The following PAX1 variants were observed in gnomAD, a reference collection of about 807,000 sequenced individuals.
PAX1 encodes paired box 1, also known as paired box protein Pax-1.
In PAX1, 18 loss-of-function variants were observed where a neutral mutation model predicts 35.6. The ratio of observed to expected loss-of-function variants is 0.50; its 90% CI spans 0.35 to 0.75. The LOEUF (loss-of-function observed/expected upper bound fraction) is 0.75. PAX1 is among the 30% of genes least tolerant of loss of function. The pLI, the probability that PAX1 is intolerant of heterozygous loss-of-function variation, is 0.01. For synonymous variants in PAX1, 397 were observed against 305.2 expected (o/e 1.30, Z -3.14); for missense variants, 760 against 661.5 (o/e 1.15, Z -1.63).
In PAX1 at chr20:21,718,149, C is replaced by A. The variant is rs942655221; in HGVS notation, c.*3587C>A. ...GCTTCGTGCTTTAAATGAATAAAGA[C>A]AGGATTTTGTTGTGTTCATTATTGG... On this transcript the variant is annotated 3_prime_UTR_variant, in exon 5 of 5. Coordinates refer to ENST00000613128, the MANE Select transcript of PAX1 (RefSeq NM_001257096.2). 1.3e-5 allele frequency: 2 copies of A among 152,152 alleles called. No homozygotes were observed. The highest frequency in any genetic ancestry group is 4.8e-5 in the African/African-American group (2 of 41,420). 9.4% of individuals were successfully genotyped at this position (152,152 alleles called of 1,614,324 possible). A position where few individuals can be genotyped will look rare whatever the true frequency, so the allele number is the denominator to read the frequency against.
chr20:21,705,741 G>A lies in PAX1; in HGVS notation c.29G>A (p.Arg10Gln), dbSNP rs764757880. The A allele has an allele frequency of 9.5e-5, 119 of 1,251,018 alleles. No homozygotes were observed. Among genetic ancestry groups the A allele is most frequent in the Non-Finnish European group, 1.1e-4 (113 of 992,706 alleles). The allele number at this position is 1,251,018 out of a possible 1,614,324, so 77.5% of individuals were successfully genotyped here. The change falls in exon 1 of 5, where the codon CGG becomes CAG. Residue 10 changes from arginine to glutamine, a missense_variant. Physicochemically the swap from Arg to Gln is conservative, Grantham distance 43 (BLOSUM62 1). This residue lies in a region of PAX1 where 222 missense variants were observed against 153.0 expected (regional missense o/e 1.45). Transcript: ENST00000613128. MKFTLGLGS[R>Q]AWRVSWEGAA... The stretch of plus-strand genomic sequence containing the variant: ...AAGTTCACCCTGGGCCTGGGGTCGC[G>A]GGCGTGGAGAGTGTCCTGGGAGGGG...
chr20:21,706,352 A>C lies in PAX1; in HGVS notation c.287-86A>C. The C allele has an allele frequency of 6.5e-7, 1 of 1,534,700 alleles. No homozygotes were observed. Among genetic ancestry groups the C allele is most frequent in the Non-Finnish European group, 8.9e-7 (1 of 1,119,968 alleles). ...CACCTTTGGAAGTGCGCCTGGGTGC[A>C]GTCCCTCGCTCCGCGTGGGGACCCT... On this transcript the variant is annotated intron_variant, in intron 1 of 4. Coordinates refer to ENST00000613128, the MANE Select transcript of PAX1 (RefSeq NM_001257096.2). The surrounding 1 kb of genome is among the most constrained non-coding windows in gnomAD (Gnocchi z 5.3).
Position 21,718,231 on chromosome 20 carries a change from G to A in PAX1, c.*3669G>A, listed in dbSNP as rs1985438214. 6.6e-6 allele frequency: 1 copy of A among 152,152 alleles called. No individual in the cohort carries two copies. Among genetic ancestry groups the A allele is most frequent in the Non-Finnish European group, 1.5e-5 (1 of 68,024 alleles). 9.4% of individuals were successfully genotyped at this position (152,152 alleles called of 1,614,324 possible). A position where few individuals can be genotyped will look rare whatever the true frequency, so the allele number is the denominator to read the frequency against. Reference sequence around the variant, plus strand: ...CCCTGCCAAAGGTAGCTGTTTTTTGGCAAGAAGTAAGGAAAACAAACCAAA... The same window carrying A: ...CCCTGCCAAAGGTAGCTGTTTTTTGACAAGAAGTAAGGAAAACAAACCAAA... On this transcript the variant is annotated 3_prime_UTR_variant, in exon 5 of 5. Coordinates refer to ENST00000613128, the MANE Select transcript of PAX1 (RefSeq NM_001257096.2).
At chr20:21,712,598 C>G (rs1301488317) in intron 4 of PAX1, among the ~76,000 whole-genome samples, 1 of 152,186 alleles carries the variant, frequency 6.6e-6, no homozygotes, top group African/African-American at 2.4e-5. Context: ...TCGTGGGGCT[C>G]TGGAATGACT....
Position 21,706,036 on chromosome 20 carries a change from A to G in PAX1, c.286+38A>G. ...CGACAGGCAGGGCTCGGGAGGGCTG[A>G]TGAGGTGGGTCGGGTCCGCCTGCCT... On this transcript the variant is annotated intron_variant, in intron 1 of 4. Coordinates refer to ENST00000613128, the MANE Select transcript of PAX1 (RefSeq NM_001257096.2). This position sits in a 1 kb window ranked among gnomAD's most constrained non-coding sequence, Gnocchi z 5.3. 1.4e-6 allele frequency: 2 copies of G among 1,440,240 alleles called. No individual in the cohort carries two copies. Among genetic ancestry groups the G allele is most frequent in the Non-Finnish European group, 1.8e-6 (2 of 1,095,492 alleles). The allele number at this position is 1,440,240 out of a possible 1,614,324, so 89.2% of individuals were successfully genotyped here.
chr20:21,709,932 C>T (rs1339418648), intron 4 of PAX1, among the ~76,000 whole-genome samples: 1 of 152,066 alleles, frequency 6.6e-6, no homozygotes, highest in Non-Finnish European at 1.5e-5. Flanking sequence ...GTCTCTGCCC[C>T]ACTGCCCATC....
Position 21,705,760 on chromosome 20 carries a change from G to T in PAX1, c.48G>T (p.Trp16Cys), listed in dbSNP as rs1255507313. ...GLGSRAWRVSWEGAAAAAAGP... is the reference protein window; with the variant it reads ...GLGSRAWRVSCEGAAAAAAGP... ...GGTCGCGGGCGTGGAGAGTGTCCTG[G>T]GAGGGGGCAGCAGCGGCGGCGGCAG... Residue 16 changes from tryptophan to cysteine, a missense_variant, in exon 1 of 5, where the codon TGG becomes TGT. This residue lies in a region of PAX1 where 222 missense variants were observed against 153.0 expected (regional missense o/e 1.45). Transcript: ENST00000613128. The T allele has an allele frequency of 3.2e-6, 4 of 1,262,822 alleles. No homozygotes were observed. The allele number at this position is 1,262,822 out of a possible 1,614,324, so 78.2% of individuals were successfully genotyped here.
At chr20:21,707,671 A>G (rs1320759125) in intron 2 of PAX1, among the ~76,000 whole-genome samples, 1 of 152,176 alleles carries the variant, frequency 6.6e-6, no homozygotes, top group Non-Finnish European at 1.5e-5. Context: ...AAGATGGGGA[A>G]GGCGGGAGGT....
chr20:21,711,570 C>A (rs968113200), intron 4 of PAX1, among the ~76,000 whole-genome samples: 2 of 152,276 alleles, frequency 1.3e-5, no homozygotes. Flanking sequence ...TAATTTGTTA[C>A]TCTAGTTATT....
chr20:21,714,706 G>A lies in PAX1; in HGVS notation c.*144G>A. 1 of 1,605,608 alleles carries A rather than the reference G, an allele frequency of 6.2e-7. No individual in the cohort carries two copies. On this transcript the variant is annotated 3_prime_UTR_variant, in exon 5 of 5. Transcript: ENST00000613128. ...GCCAGTGCCGGCCCGCGGGGTGCAC[G>A]CCCAGCCAGCCCCCAGGCCCAGCCC...
chr20:21,709,298 A>G lies in PAX1; in HGVS notation c.1136A>G (p.Tyr379Cys). Reference protein sequence around the residue: ...AYPASNQHGVYSAPGGGYLAP... With the variant: ...AYPASNQHGVCSAPGGGYLAP... The stretch of plus-strand genomic sequence containing the variant: ...CCGGCCTCCAACCAGCACGGCGTGT[A>G]CAGCGCCCCGGGCGGCGGCTACCTC... The change falls in exon 4 of 5, where the codon TAC becomes TGC. Residue 379 changes from tyrosine (Y) to cysteine (C), a missense_variant. By Grantham distance (194) the Tyr-to-Cys change is radical. Around this residue, in one of 3 missense-constraint regions of PAX1, gnomAD observed 490 missense variants for 428.4 expected, o/e 1.14. Coordinates refer to ENST00000613128, the MANE Select transcript of PAX1 (RefSeq NM_001257096.2). 1 of 1,603,126 alleles carries G rather than the reference A, an allele frequency of 6.2e-7. No individual in the cohort carries two copies. The highest frequency in any genetic ancestry group is 8.5e-7 in the Non-Finnish European group (1 of 1,178,980).
Position 21,706,048 on chromosome 20 carries a change from G to T in PAX1, c.286+50G>T. On this transcript the variant is annotated intron_variant, in intron 1 of 4. Transcript: ENST00000613128. The surrounding 1 kb of genome is among the most constrained non-coding windows in gnomAD (Gnocchi z 5.3). ...CTCGGGAGGGCTGATGAGGTGGGTC[G>T]GGTCCGCCTGCCTCCCTTCCCTCTC... is the stretch of plus-strand genomic sequence containing the variant. 1 of 1,382,162 alleles carries T rather than the reference G, an allele frequency of 7.2e-7. No individual in the cohort carries two copies. The highest frequency in any genetic ancestry group is 9.6e-7 in the Non-Finnish European group (1 of 1,041,568). 85.6% of individuals were successfully genotyped at this position (1,382,162 alleles called of 1,614,324 possible). A position where few individuals can be genotyped will look rare whatever the true frequency, so the allele number is the denominator to read the frequency against.
chr20:21,711,949 T>A (rs1012945805), intron 4 of PAX1, among the ~76,000 whole-genome samples: 2 of 152,238 alleles, frequency 1.3e-5, no homozygotes, highest in Non-Finnish European at 2.9e-5. Context: ...CAATTTACTA[T>A]CAGCAATTGT....
rs972674889 is a variant in PAX1, at chr20:21,717,897, T to C, written c.*3335T>C. The stretch of plus-strand genomic sequence containing the variant: ...CTTAAAGGTGAATGCTGTTATAGTC[T>C]TTTGTGAATCTTTCCAGGAAAAACA... On this transcript the variant is annotated 3_prime_UTR_variant, in exon 5 of 5. Transcript: ENST00000613128. 14 of 152,232 alleles carry C rather than the reference T, an allele frequency of 9.2e-5. No homozygotes were observed. Among genetic ancestry groups the C allele is most frequent in the African/African-American group, 3.1e-4 (13 of 41,466 alleles). The allele number at this position is 152,232 out of a possible 1,614,324, so 9.4% of individuals were successfully genotyped here.
chr20:21,712,709 C>T (rs1193179418), intron 4 of PAX1, among the ~76,000 whole-genome samples: 4 of 152,238 alleles, frequency 2.6e-5, no homozygotes, highest in African/African-American at 9.6e-5. Flanking sequence ...CCAGTTACCT[C>T]TGCCTCGGGA....
At position 21,717,248 on chromosome 20, in the gene PAX1, G is replaced by GGAATTA; in HGVS notation, c.*2688_*2689insATTAGA. On this transcript the variant is annotated 3_prime_UTR_variant, in exon 5 of 5. Transcript: ENST00000613128. ...GGCTCTGACATTTCATGTGGGGTGTGGAGGGACATACCCCCTCTCTCGCGG... is the reference window on the plus strand; with the variant it reads ...GGCTCTGACATTTCATGTGGGGTGTGGAATTAGAGGGACATACCCCCTCTCTCGCGG... 6.6e-6 allele frequency: 1 copy of GGAATTA among 152,382 alleles called. No homozygotes were observed. 9.4% of individuals were successfully genotyped at this position (152,382 alleles called of 1,614,324 possible).
intron 3 of PAX1, among the ~76,000 whole-genome samples, 180 bp from the exon 4 acceptor site, chr20:21,709,042 A>G (rs984203237): frequency 1.3e-5 from 2 of 152,232 alleles, no homozygotes; most frequent in African/African-American, 2.4e-5. Context: ...GTGAATTCTT[A>G]GAAATCACTT....
Position 21,706,184 on chromosome 20 carries a change from T to C in PAX1, c.286+186T>C, listed in dbSNP as rs905596311. 11 of 768,794 alleles carry C rather than the reference T, an allele frequency of 1.4e-5. No individual in the cohort carries two copies. The highest frequency in any genetic ancestry group is 5.3e-5 in the East Asian group (2 of 37,506). 47.6% of individuals were successfully genotyped at this position (768,794 alleles called of 1,614,324 possible). ...AAGTCTGGGAAGGGAGTGTTCCAAG[T>C]AGACGCGCTAAAAGTCGCGAAAGGG... On this transcript the variant is annotated intron_variant, in intron 1 of 4. Transcript: ENST00000613128. The surrounding 1 kb of genome is among the most constrained non-coding windows in gnomAD (Gnocchi z 5.3).
rs945721643 is a variant in PAX1 at position 21,715,005 on chromosome 20, T to C, written c.*443T>C. ...CCTTCCACCCCGGCTTTCCCCGACC[T>C]TCCAGGGCTCCCTCTGCCCTTCCAC... On this transcript the variant is annotated 3_prime_UTR_variant, in exon 5 of 5. Transcript: ENST00000613128. The C allele has an allele frequency of 3.1e-6, 2 of 644,292 alleles. No individual in the cohort carries two copies. The highest frequency in any genetic ancestry group is 5.5e-6 in the Non-Finnish European group (2 of 360,414). The allele number at this position is 644,292 out of a possible 1,614,324, so 39.9% of individuals were successfully genotyped here. A position where few individuals can be genotyped will look rare whatever the true frequency, so the allele number is the denominator to read the frequency against.
Sources: allele counts gnomAD v4.1 joint callset (sites outside exome capture counted in the v4.1 genomes callset), GRCh38; gene constraint gnomAD v4.1.1; regional missense constraint gnomAD v4.1.1; non-coding constraint Gnocchi (gnomAD v3.1); transcripts MANE v1.5; gene names NCBI Gene and HGNC (gene_info 2026-07-23, HGNC 2026-07-21).